The following HECW2 variants were observed in gnomAD, a reference collection of about 807,000 sequenced individuals.
HECW2 encodes the protein E3 ubiquitin-protein ligase HECW2.
Under a neutral mutation model 175.2 loss-of-function variants are expected in HECW2, and 61 were observed. The ratio of observed to expected loss-of-function variants is 0.35; its 90% CI spans 0.28 to 0.43. The LOEUF is 0.43. Ranked by LOEUF, HECW2 falls within the 20% of genes least tolerant of loss-of-function variation. The pLI is 1.00. For synonymous variants in HECW2, 671 were observed against 731.0 expected (o/e 0.92, Z 1.32); for missense variants, 1,524 against 2,000.5 (o/e 0.76, Z 4.54).
At chr2:196,416,281 A>G (rs1206239147) in intron 2 of HECW2, among the ~76,000 whole-genome samples, 1 of 152,232 alleles carries the variant, frequency 6.6e-6, no homozygotes, top group Non-Finnish European at 1.5e-5. Flanking sequence ...ATAAGCAAGC[A>G]CTCAGCCCTG....
intron 7 of HECW2, among the ~76,000 whole-genome samples, chr2:196,320,855 C>A (rs1691914611): frequency 1.3e-5 from 2 of 152,178 alleles, no homozygotes; most frequent in South Asian, 4.1e-4. Flanking sequence ...CGGCATTTAG[C>A]ACAACAGAAA....
chr2:196,454,475 T>C (rs529285685), intron 1 of HECW2, among the ~76,000 whole-genome samples: 2 of 152,360 alleles, frequency 1.3e-5, no homozygotes, highest in African/African-American at 2.4e-5. Flanking sequence ...ATTACTGTTG[T>C]AAACTATGCT....
At chr2:196,464,295 T>C (rs1052104907) in intron 1 of HECW2, among the ~76,000 whole-genome samples, 11 of 152,082 alleles carry the variant, frequency 7.2e-5, no homozygotes, top group Admixed American at 2.6e-4. Context: ...ATAGGTTACA[T>C]AGGAGGGGAA....
At position 196,319,518 on chromosome 2, in the gene HECW2, T is replaced by C. The variant is rs1242285702; in HGVS notation, c.1372A>G (p.Asn458Asp). 1.2e-6 allele frequency: 2 copies of C among 1,614,018 alleles called. No individual in the cohort carries two copies. Among genetic ancestry groups the C allele is most frequent in the African/African-American group, 1.3e-5 (1 of 74,906 alleles). Residue 458 changes from asparagine to aspartate, a missense_variant, in exon 9 of 29, where the codon AAT (asparagine) becomes GAT (aspartate). Physicochemically the swap from Asn to Asp is conservative, Grantham distance 23 (BLOSUM62 1). Transcript: ENST00000644978. ...RSSFPTDTRL[N>D]AMLHIDSDEE... ...TCTGAATCAATATGAAGCATGGCAT[T>C]GAGTCTTGTGTCAGTGGGAAAACTA... is the stretch of plus-strand genomic sequence containing the variant.
At chr2:196,461,169 G>A (rs924249324) in intron 1 of HECW2, among the ~76,000 whole-genome samples, 1 of 152,048 alleles carries the variant, frequency 6.6e-6, no homozygotes. Flanking sequence ...AGGAAGAAAG[G>A]GAGGGAGGGA....
At chr2:196,298,844 C>A (rs1289565334) in intron 13 of HECW2, among the ~76,000 whole-genome samples, 3 of 152,078 alleles carry the variant, frequency 2.0e-5, no homozygotes, top group African/African-American at 7.2e-5. Flanking sequence ...ATAATACGAA[C>A]AGGGAAGTAA....
intron 2 of HECW2, among the ~76,000 whole-genome samples, chr2:196,370,204 AT>A (rs994075745): frequency 6.6e-6 from 1 of 151,790 alleles, no homozygotes; most frequent in Non-Finnish European, 1.5e-5. Flanking sequence ...GCTGCTGATT[AT>A]TTAGGGCCCA....
Position 196,513,793 on chromosome 2 carries a change from A to G in HECW2, c.-36+79715T>C, listed in dbSNP as rs62184699. Among the ~76,000 whole-genome samples the G allele has an allele frequency of 4.3e-3, 657 of 152,370 alleles. 5 individuals are homozygous for G. The highest frequency in any genetic ancestry group is 7.5e-3 in the Non-Finnish European group (511 of 68,028). ...ACCAGTGGTGCTCAAAGAGGGGTCC[A>G]TGGACCAATGCCAGTTGGCAAACAG... is the stretch of plus-strand genomic sequence containing the variant. On this transcript the variant is annotated intron_variant, in intron 1 of 28. Transcript: ENST00000644978.
chr2:196,485,636 T>G (rs1382625449), intron 1 of HECW2, among the ~76,000 whole-genome samples: 1 of 152,176 alleles, frequency 6.6e-6, no homozygotes, highest in Admixed American at 6.5e-5. Context: ...CACCAAATTT[T>G]GGGTGATATC....
intron 19 of HECW2, among the ~76,000 whole-genome samples, chr2:196,245,058 G>C (rs957704215): frequency 4.6e-5 from 7 of 152,186 alleles, no homozygotes; most frequent in Non-Finnish European, 7.3e-5. Context: ...ATTGAAGCCT[G>C]AGGGGATAAG....
At chr2:196,301,040 C>T (rs2105683026) in intron 13 of HECW2, among the ~76,000 whole-genome samples, 1 of 151,522 alleles carries the variant, frequency 6.6e-6, no homozygotes, top group African/African-American at 2.4e-5. Flanking sequence ...CTACCCCACC[C>T]CCGACAGGCA....
intron 1 of HECW2, among the ~76,000 whole-genome samples, chr2:196,591,621 T>C (rs1439657549): frequency 6.6e-6 from 1 of 152,160 alleles, no homozygotes; most frequent in African/African-American, 2.4e-5. Context: ...GATCAAAATG[T>C]CTTTGCCACC....
At chr2:196,501,172 G>A (rs543694240) in intron 1 of HECW2, among the ~76,000 whole-genome samples, 18 of 152,154 alleles carry the variant, frequency 1.2e-4, no homozygotes, top group African/African-American at 3.6e-4. Flanking sequence ...AGTTATAAAA[G>A]GTGACTAATA....
chr2:196,241,741 T>C (rs1394945138), intron 20 of HECW2, among the ~76,000 whole-genome samples: 1 of 152,192 alleles, frequency 6.6e-6, no homozygotes, highest in East Asian at 1.9e-4. Context: ...AGACAGAAAC[T>C]TGCAGTGGAG....
In HECW2 at chr2:196,343,758, T is replaced by C; in HGVS notation, c.299A>G (p.Asn100Ser). The stretch of plus-strand genomic sequence containing the variant: ...AGAATCCCAGAAGTTGGCTGGAGAA[T>C]TCTCATCTAGAAAAACCAAAGAAAC... ...DWIGLYHIDENSPANFWDSKN... is the reference protein window; with the variant it reads ...DWIGLYHIDESSPANFWDSKN... Residue 100 changes from asparagine (N) to serine (S), a missense_variant, in exon 3 of 29, where the codon AAT becomes AGT. By Grantham distance (46) the Asn-to-Ser change is conservative. Around this residue, in one of 11 missense-constraint regions of HECW2, gnomAD observed 135 missense variants for 214.6 expected, o/e 0.63. Transcript: ENST00000644978. 6.2e-7 allele frequency: 1 copy of C among 1,608,440 alleles called. No homozygotes were observed. Among genetic ancestry groups the C allele is most frequent in the East Asian group, 2.2e-5 (1 of 44,824 alleles).
chr2:196,441,047 T>C (rs1696025528), intron 1 of HECW2, among the ~76,000 whole-genome samples: 1 of 152,158 alleles, frequency 6.6e-6, no homozygotes, highest in Non-Finnish European at 1.5e-5. Context: ...ACTAAGCAAA[T>C]CACAAAATGC....
At chr2:196,527,141 C>G (rs1029579715) in intron 1 of HECW2, among the ~76,000 whole-genome samples, 20 of 152,190 alleles carry the variant, frequency 1.3e-4, no homozygotes, top group African/African-American at 4.1e-4. Flanking sequence ...CTCCGTGAGC[C>G]TAGGACCCTC....
chr2:196,356,216 T>C (rs1693361661), intron 2 of HECW2, among the ~76,000 whole-genome samples: 1 of 152,218 alleles, frequency 6.6e-6, no homozygotes, highest in African/African-American at 2.4e-5. Flanking sequence ...TTTAAACCTC[T>C]AACAACCCTT....
chr2:196,537,431 GA>G (rs1689057363), intron 1 of HECW2, among the ~76,000 whole-genome samples: 1 of 152,148 alleles, frequency 6.6e-6, no homozygotes, highest in Non-Finnish European at 1.5e-5. Flanking sequence ...TGAAGCTGGA[GA>G]TCAGGAGGCA....
Sources: gnomAD v4.1 joint callset for allele counts (sites outside exome capture counted in the v4.1 genomes callset) on GRCh38, gnomAD v4.1.1 for gene constraint, gnomAD v4.1.1 regional missense constraint, MANE v1.5 for transcripts, NCBI Gene and HGNC (gene_info 2026-07-23, HGNC 2026-07-21) for gene names.